XRCC4: variants seen among roughly 807,000 people sequenced by gnomAD.
XRCC4 encodes the protein DNA repair protein XRCC4.
A neutral mutation model predicts 39.1 loss-of-function variants in XRCC4; 28 were observed. The ratio of observed to expected loss-of-function variants is 0.72; its 90% CI spans 0.53 to 0.98. XRCC4 has a LOEUF of 0.98. Ranked by LOEUF, XRCC4 falls within the 50% of genes least tolerant of loss-of-function variation. The pLI, the probability that XRCC4 is intolerant of heterozygous loss-of-function variation, is 0.00. For synonymous variants in XRCC4, 123 were observed against 126.4 expected (o/e 0.97, Z 0.18); for missense variants, 350 against 376.4 (o/e 0.93, Z 0.58).
At chr5:83,253,979 C>G (rs1218454260) in intron 6 of XRCC4, among the ~76,000 whole-genome samples, 1 of 152,092 alleles carries the variant, frequency 6.6e-6, no homozygotes, top group Non-Finnish European at 1.5e-5. Flanking sequence ...AAAAGATTCC[C>G]CATTTTCAAG....
chr5:83,367,436 C>T, the XRCC4 span, among the ~76,000 whole-genome samples: 12 of 152,312 alleles, frequency 7.9e-5, no homozygotes, highest in East Asian at 2.3e-3. Context: ...TTTACAAACC[C>T]ATCCTGCTCA....
intron 7 of XRCC4, among the ~76,000 whole-genome samples, chr5:83,300,063 G>A (rs1483644990): frequency 6.6e-6 from 1 of 152,174 alleles, no homozygotes; most frequent in Non-Finnish European, 1.5e-5. Flanking sequence ...CGTACACTAT[G>A]GGACCACTTC....
At chr5:83,152,198 T>G (rs1408025134) in intron 3 of XRCC4, among the ~76,000 whole-genome samples, 2 of 152,262 alleles carry the variant, frequency 1.3e-5, no homozygotes, top group Admixed American at 6.5e-5. Flanking sequence ...AGTTTAATAT[T>G]GATGTCTGAT....
chr5:83,124,264 C>A (rs1442185380), intron 3 of XRCC4, among the ~76,000 whole-genome samples: 1 of 151,978 alleles, frequency 6.6e-6, no homozygotes, highest in Non-Finnish European at 1.5e-5. Context: ...CTTGTGTTAC[C>A]CCCTTTATAT....
chr5:83,278,190 C>G (rs1266089466), intron 7 of XRCC4, among the ~76,000 whole-genome samples: 1 of 152,152 alleles, frequency 6.6e-6, no homozygotes, highest in East Asian at 1.9e-4. Context: ...TGTTGTCTGG[C>G]TCTGTTAATT....
chr5:83,260,272 G>A (rs1753704840), intron 7 of XRCC4, among the ~76,000 whole-genome samples: 1 of 152,020 alleles, frequency 6.6e-6, no homozygotes, highest in South Asian at 2.1e-4. Flanking sequence ...CTATGGGAAA[G>A]AATAAAATTA....
In XRCC4 at chr5:83,241,955, AGAGGAGGAG is replaced by A. The variant is rs144761951; in HGVS notation, c.746-16555_746-16547del. Among the ~76,000 whole-genome samples the A allele has an allele frequency of 2.5e-3, 378 of 148,588 alleles. 1 individual carries two copies. The highest frequency in any genetic ancestry group is 8.8e-3 in the African/African-American group (354 of 40,146). ...CTGAGGAAGAGTGGGAGGAGGAGGAAGAGGAGGAGGAGGAGGAGGAGGAGGAGGCGGAAG... is the reference window on the plus strand; with the variant it reads ...CTGAGGAAGAGTGGGAGGAGGAGGAAGAGGAGGAGGAGGAGGAGGCGGAAG... On this transcript the variant is annotated intron_variant, in intron 6 of 7. Coordinates refer to ENST00000396027, the MANE Select transcript of XRCC4 (RefSeq NM_003401.5).
chr5:83,226,504 T>C (rs1752296354), intron 6 of XRCC4, among the ~76,000 whole-genome samples: 1 of 152,096 alleles, frequency 6.6e-6, no homozygotes, highest in African/African-American at 2.4e-5. Context: ...TAGGTGTCTT[T>C]CTAGATACAC....
intron 7 of XRCC4, among the ~76,000 whole-genome samples, chr5:83,324,524 G>A (rs912546154): frequency 6.6e-6 from 1 of 152,136 alleles, no homozygotes; most frequent in African/African-American, 2.4e-5. Flanking sequence ...AGGAAAAGTA[G>A]AAAGTGTTGA....
intron 3 of XRCC4, among the ~76,000 whole-genome samples, chr5:83,151,039 T>G (rs565510602): frequency 3.2e-4 from 49 of 152,228 alleles, no homozygotes; most frequent in African/African-American, 1.2e-3. Context: ...AAGATTTATT[T>G]AAAATAAAGC....
At chr5:83,262,780 C>T (rs1753803610) in intron 7 of XRCC4, among the ~76,000 whole-genome samples, 1 of 150,636 alleles carries the variant, frequency 6.6e-6, no homozygotes, top group Non-Finnish European at 1.5e-5. Context: ...AAACAACACA[C>T]ACACCTTAGA....
chr5:83,145,977 G>A (rs1561361390), intron 3 of XRCC4, among the ~76,000 whole-genome samples: 1 of 151,858 alleles, frequency 6.6e-6, no homozygotes, highest in Non-Finnish European at 1.5e-5. Context: ...TAGCTTTTGA[G>A]CTCTCCAGTC....
At chr5:83,291,506 A>G (rs1013146038) in intron 7 of XRCC4, among the ~76,000 whole-genome samples, 2 of 151,894 alleles carry the variant, frequency 1.3e-5, no homozygotes, top group Non-Finnish European at 2.9e-5. Flanking sequence ...TTCTTAGATC[A>G]AAATCTATTA....
At chr5:83,276,459 A>AATCCATTCATTTATGAATGGATTAATCC (rs1754339474) in intron 7 of XRCC4, among the ~76,000 whole-genome samples, 1 of 151,932 alleles carries the variant, frequency 6.6e-6, no homozygotes, top group Non-Finnish European at 1.5e-5. Context: ...TGAATGGATT[A>AATCCATTCATTTATGAATGGATTAATCC]ATGCATTAAT....
chr5:83,301,617 G>A (rs1331272109), intron 7 of XRCC4, among the ~76,000 whole-genome samples: 4 of 152,154 alleles, frequency 2.6e-5, no homozygotes, highest in Admixed American at 1.3e-4. Context: ...TGTTGCAATT[G>A]CTTTTGGTGT....
At chr5:83,174,355 T>C (rs186884889) in intron 3 of XRCC4, among the ~76,000 whole-genome samples, 2 of 152,026 alleles carry the variant, frequency 1.3e-5, no homozygotes, top group Non-Finnish European at 2.9e-5. Flanking sequence ...TTTTGAAGAG[T>C]CGTTTTGTAT....
chr5:83,100,098 T>A (rs1281538258), intron 1 of XRCC4, among the ~76,000 whole-genome samples: 2 of 152,154 alleles, frequency 1.3e-5, no homozygotes, highest in African/African-American at 4.8e-5. Context: ...TTATTTGATA[T>A]AAAGAACATT....
intron 7 of XRCC4, among the ~76,000 whole-genome samples, chr5:83,297,631 TAAAC>T (rs1426940331): frequency 6.6e-6 from 1 of 151,714 alleles, no homozygotes. Context: ...TATTAAATTT[TAAAC>T]AATATTATAG....
At chr5:83,219,263 G>A (rs1291633152) in intron 6 of XRCC4, among the ~76,000 whole-genome samples, 2 of 152,058 alleles carry the variant, frequency 1.3e-5, no homozygotes, top group African/African-American at 4.8e-5. Context: ...TGCATTCTTA[G>A]GTCCTGGGAG....
Sources: gnomAD v4.1 joint callset for allele counts (sites outside exome capture counted in the v4.1 genomes callset) on GRCh38, gnomAD v4.1.1 for gene constraint, MANE v1.5 for transcripts, NCBI Gene and HGNC (gene_info 2026-07-23, HGNC 2026-07-21) for gene names.